The following MSRA variants were observed in gnomAD, a reference collection of about 807,000 sequenced individuals.
MSRA encodes mitochondrial peptide methionine sulfoxide reductase.
MSRA carries 54 observed loss-of-function variants against 31.3 expected under a neutral mutation model. That is an observed-to-expected ratio of 1.73 (90% CI 1.39 to 2.17). MSRA has a LOEUF of 2.17. MSRA is among the 30% of genes most tolerant of loss of function. The pLI is 0.00. For missense variants in MSRA, 507 were observed against 300.9 expected (o/e 1.69, Z -5.07); for synonymous variants, 169 against 116.5 (o/e 1.45, Z -2.90).
At chr8:10,271,203 A>T (rs1387045009) in intron 3 of MSRA, among the ~76,000 whole-genome samples, 1 of 152,180 alleles carries the variant, frequency 6.6e-6, no homozygotes, top group Admixed American at 6.5e-5. Context: ...TATATCAATG[A>T]TACACAGATG....
chr8:10,335,003 C>T (rs1458594533), intron 5 of MSRA, among the ~76,000 whole-genome samples: 1 of 144,006 alleles, frequency 6.9e-6, no homozygotes, highest in African/African-American at 2.5e-5. Flanking sequence ...AAAAGGCTCT[C>T]GTGTCCTTAG....
At chr8:10,131,019 G>C (rs1249004814) in intron 1 of MSRA, among the ~76,000 whole-genome samples, 1 of 152,222 alleles carries the variant, frequency 6.6e-6, no homozygotes, top group Non-Finnish European at 1.5e-5. Context: ...AGCAAGCTCA[G>C]CTTGTTTTTG....
Position 10,298,352 on chromosome 8 carries a change from G to A in MSRA, c.332-3182G>A, listed in dbSNP as rs374293197. Among the ~76,000 whole-genome samples the A allele has an allele frequency of 3.9e-4, 59 of 152,222 alleles. 2 individuals carry two copies. In the South Asian group the frequency reaches 0.01, roughly 26 times the overall value. On this transcript the variant is annotated intron_variant, in intron 3 of 5. Coordinates refer to ENST00000317173, the MANE Select transcript of MSRA (RefSeq NM_012331.5). ...GGGTGAACCTTGAGGACATTACGCC[G>A]AGTTAAGTAAGACAGTCACAAAAAG...
At chr8:10,396,701 A>G (rs1000265871) in intron 5 of MSRA, among the ~76,000 whole-genome samples, 1 of 152,184 alleles carries the variant, frequency 6.6e-6, no homozygotes, top group African/African-American at 2.4e-5. Flanking sequence ...GCCCTTAGAA[A>G]TGTTTCCACT....
chr8:10,325,680 C>T (rs976529188), intron 5 of MSRA, among the ~76,000 whole-genome samples: 4 of 152,100 alleles, frequency 2.6e-5, no homozygotes, highest in African/African-American at 9.7e-5. Context: ...GCTTTGATAC[C>T]GTAAAGAGGT....
At chr8:10,226,370 T>C in intron 2 of MSRA, among the ~76,000 whole-genome samples, 1 of 151,780 alleles carries the variant, frequency 6.6e-6, no homozygotes, top group Non-Finnish European at 1.5e-5. Context: ...AAGAAGAGGG[T>C]CCCCTTGTGG....
intron 1 of MSRA, among the ~76,000 whole-genome samples, chr8:10,204,827 C>G (rs969781958): frequency 6.6e-6 from 1 of 152,164 alleles, no homozygotes; most frequent in Non-Finnish European, 1.5e-5. Context: ...ATCAAATGCC[C>G]GTTCTGTGTC....
At chr8:10,060,882 T>C (rs1802678483) in intron 1 of MSRA, among the ~76,000 whole-genome samples, 1 of 152,228 alleles carries the variant, frequency 6.6e-6, no homozygotes, top group Admixed American at 6.5e-5. Flanking sequence ...CACTATTATG[T>C]AGAAGGCATT....
intron 3 of MSRA, among the ~76,000 whole-genome samples, chr8:10,272,812 A>G (rs1469397999): frequency 6.6e-6 from 1 of 152,196 alleles, no homozygotes; most frequent in Non-Finnish European, 1.5e-5. Flanking sequence ...TCTTTCAATC[A>G]CTAGACACTA....
chr8:10,169,915 T>G (rs986902919), intron 1 of MSRA, among the ~76,000 whole-genome samples: 3 of 130,004 alleles, frequency 2.3e-5, no homozygotes, highest in African/African-American at 1.1e-4. Flanking sequence ...TTTTCTTTCT[T>G]TCTTTTTTTT....
At chr8:10,089,485 G>C (rs982665045) in intron 1 of MSRA, among the ~76,000 whole-genome samples, 1 of 152,216 alleles carries the variant, frequency 6.6e-6, no homozygotes. Flanking sequence ...CCCATGGTCA[G>C]TGTCTGATGT....
intron 1 of MSRA, among the ~76,000 whole-genome samples, chr8:10,155,410 T>C (rs58437548): frequency 0.04 from 6,085 of 152,230 alleles, 158 homozygotes; most frequent in South Asian, 0.069. Flanking sequence ...CTGTTGTGGT[T>C]GTATCAACTG....
intron 1 of MSRA, among the ~76,000 whole-genome samples, chr8:10,058,607 C>G (rs1275437626): frequency 2.0e-5 from 3 of 152,158 alleles, no homozygotes; most frequent in Non-Finnish European, 4.4e-5. Context: ...AATTCCAGAG[C>G]AGGAATAAAT....
chr8:10,278,343 GC>G (rs1463127305), intron 3 of MSRA, among the ~76,000 whole-genome samples: 1 of 152,212 alleles, frequency 6.6e-6, no homozygotes. Context: ...TGGACCACCT[GC>G]CATCACAAGT....
At position 10,054,645 on chromosome 8, in the gene MSRA, G is replaced by T; in HGVS notation, c.129G>T (p.Gln43His). The change falls in exon 1 of 6, where the codon CAG (glutamine) becomes CAT (histidine). Residue 43 changes from glutamine (Q) to histidine (H), a missense_variant. Physicochemically the swap from Gln to His is conservative, Grantham distance 24 (BLOSUM62 0). Coordinates refer to ENST00000317173, the MANE Select transcript of MSRA (RefSeq NM_012331.5). Reference sequence around the variant, plus strand: ...AGGCCTTGCCGGGCCGGAAGGAACAGACCCCTGTAGCGGGTAAGCACTGGC... The same window carrying T: ...AGGCCTTGCCGGGCCGGAAGGAACATACCCCTGTAGCGGGTAAGCACTGGC... The part of the protein sequence containing the change: ...PQEALPGRKE[Q>H]TPVAAKHHVN... 1 of 1,567,288 alleles carries T rather than the reference G, an allele frequency of 6.4e-7. No individual in the cohort carries two copies. Among genetic ancestry groups the T allele is most frequent in the Non-Finnish European group, 8.6e-7 (1 of 1,157,808 alleles).
At chr8:10,271,782 G>C (rs909860883) in intron 3 of MSRA, among the ~76,000 whole-genome samples, 1 of 149,724 alleles carries the variant, frequency 6.7e-6, no homozygotes, top group Non-Finnish European at 1.5e-5. Flanking sequence ...ACAGTGGCGC[G>C]ATCTTGGCTC....
chr8:10,336,918 TA>T (rs750492928), intron 5 of MSRA: 4 of 152,220 alleles, frequency 2.6e-5, no homozygotes, highest in Non-Finnish European at 5.9e-5. Flanking sequence ...ATAGAAATTC[TA>T]ATCCAGCGAA....
intron 4 of MSRA, among the ~76,000 whole-genome samples, chr8:10,308,735 A>G (rs2129130398): frequency 6.6e-6 from 1 of 152,262 alleles, no homozygotes; most frequent in East Asian, 1.9e-4. Flanking sequence ...CCATTCCTGG[A>G]AGACTTGAGC....
intron 1 of MSRA, among the ~76,000 whole-genome samples, chr8:10,059,897 A>G (rs1802610647): frequency 6.6e-6 from 1 of 152,242 alleles, no homozygotes; most frequent in Non-Finnish European, 1.5e-5. Context: ...TTCACTTATA[A>G]TGAGAATGCA....
Sources: allele counts gnomAD v4.1 joint callset (sites outside exome capture counted in the v4.1 genomes callset), GRCh38; gene constraint gnomAD v4.1.1; transcripts MANE v1.5; gene names NCBI Gene and HGNC (gene_info 2026-07-23, HGNC 2026-07-21).